Variants in SEMA5A observed in about 807,000 individuals in gnomAD.
SEMA5A encodes semaphorin 5A.
In SEMA5A, 55 loss-of-function variants were observed where a neutral mutation model predicts 135.5. The ratio of observed to expected loss-of-function variants is 0.41; its 90% CI spans 0.33 to 0.51. The LOEUF is 0.51. SEMA5A is among the 20% of genes least tolerant of loss of function. The probability of loss-of-function intolerance (pLI) is 0.37; values close to 1 mark genes in which losing one functional copy is unlikely to be tolerated. For synonymous variants in SEMA5A, 580 were observed against 546.5 expected, an observed-to-expected ratio of 1.06 and a Z score of -0.85; for missense variants, 1,290 against 1,419.9, an observed-to-expected ratio of 0.91 and a Z score of 1.47.
At chr5:9,541,534 C>A (rs557312208) in intron 1 of SEMA5A, among the ~76,000 whole-genome samples, 2 of 152,124 alleles carry the variant, frequency 1.3e-5, no homozygotes, top group African/African-American at 4.8e-5. Flanking sequence ...AATCAGGAAA[C>A]CAATTCTAGG....
At chr5:9,501,477 G>T (rs1042881365) in intron 1 of SEMA5A, among the ~76,000 whole-genome samples, 2 of 152,142 alleles carry the variant, frequency 1.3e-5, no homozygotes, top group African/African-American at 4.8e-5. Flanking sequence ...TTCCTATGTA[G>T]AGAATACAGA....
At chr5:9,450,425 T>C (rs1157252519) in intron 1 of SEMA5A, among the ~76,000 whole-genome samples, 1 of 152,242 alleles carries the variant, frequency 6.6e-6, no homozygotes, top group African/African-American at 2.4e-5. Context: ...ATATTCAGTT[T>C]AATAGGAGTG....
intron 2 of SEMA5A, among the ~76,000 whole-genome samples, chr5:9,410,249 A>C (rs1372413145): frequency 1.3e-5 from 2 of 152,222 alleles, no homozygotes; most frequent in African/African-American, 2.4e-5. Flanking sequence ...TAAATATAAC[A>C]ATGCACTCCA....
chr5:9,481,473 A>AT (rs1197910780), intron 1 of SEMA5A, among the ~76,000 whole-genome samples: 4 of 152,250 alleles, frequency 2.6e-5, no homozygotes, highest in East Asian at 3.9e-4. Flanking sequence ...AATGGGGATT[A>AT]TTTTTTTAAA....
intron 8 of SEMA5A, among the ~76,000 whole-genome samples, chr5:9,219,955 A>C (rs925310352): frequency 2.6e-5 from 4 of 152,168 alleles, no homozygotes; most frequent in Non-Finnish European, 4.4e-5. Flanking sequence ...GGTGTGAGTC[A>C]GGGGAGTTAA....
At chr5:9,409,072 T>C (rs1423225588) in intron 2 of SEMA5A, among the ~76,000 whole-genome samples, 2 of 152,178 alleles carry the variant, frequency 1.3e-5, no homozygotes, top group African/African-American at 4.8e-5. Context: ...TAACACTGAA[T>C]TAGTTGGCAG....
chr5:9,250,515 G>A (rs559562364), intron 5 of SEMA5A, among the ~76,000 whole-genome samples: 14 of 152,234 alleles, frequency 9.2e-5, no homozygotes, highest in South Asian at 4.1e-4. Context: ...AAAAAAGACC[G>A]AATTCATACA....
intron 2 of SEMA5A, among the ~76,000 whole-genome samples, chr5:9,421,698 TTC>T (rs1757475478): frequency 6.6e-6 from 1 of 152,194 alleles, no homozygotes; most frequent in South Asian, 2.1e-4. Context: ...GTTATCTTTT[TTC>T]TCTCTCTCTT....
chr5:9,071,592 C>T (rs1737772817), intron 16 of SEMA5A, among the ~76,000 whole-genome samples: 1 of 152,080 alleles, frequency 6.6e-6, no homozygotes, highest in Admixed American at 6.5e-5. Flanking sequence ...TTAAGTGGGA[C>T]CTCCTGTTTT....
At chr5:9,268,111 T>G (rs1749777392) in intron 5 of SEMA5A, among the ~76,000 whole-genome samples, 1 of 152,140 alleles carries the variant, frequency 6.6e-6, no homozygotes, top group Non-Finnish European at 1.5e-5. Context: ...AGTAGTTGGT[T>G]CTTGTTGTTC....
rs537376976 is a variant in SEMA5A at position 9,515,969 on chromosome 5, C to T, written c.-175+29615G>A. On this transcript the variant is annotated intron_variant, in intron 1 of 22. Coordinates refer to ENST00000382496, the MANE Select transcript of SEMA5A (RefSeq NM_003966.3). ...CACTTTTCTCTTATTAAATCATTTT[C>T]TCATATCTGAATATAGTTACGACAT... is the stretch of plus-strand genomic sequence containing the variant. 3.3e-5 allele frequency among the ~76,000 whole-genome samples: 5 copies of T among 152,348 alleles called. No individual in the cohort carries two copies. In the South Asian group the frequency reaches 1.0e-3, roughly 32 times the overall value.
intron 2 of SEMA5A, among the ~76,000 whole-genome samples, chr5:9,417,667 T>G (rs1430475507): frequency 1.3e-5 from 2 of 152,240 alleles, no homozygotes; most frequent in African/African-American, 4.8e-5. Context: ...GTGCCTTGTC[T>G]TTATCACCAC....
intron 16 of SEMA5A, among the ~76,000 whole-genome samples, chr5:9,078,780 C>G (rs1738210235): frequency 1.3e-5 from 2 of 152,046 alleles, no homozygotes; most frequent in Admixed American, 1.3e-4. Flanking sequence ...TAATAGAGTA[C>G]TTATGGCAGA....
chr5:9,273,703 G>A (rs996695911), intron 5 of SEMA5A, among the ~76,000 whole-genome samples: 4 of 152,068 alleles, frequency 2.6e-5, no homozygotes, highest in Admixed American at 2.6e-4. Context: ...ATAAAGAAAA[G>A]AATTTTCAAC....
intron 11 of SEMA5A, among the ~76,000 whole-genome samples, chr5:9,165,896 G>A (rs11960524): frequency 0.12 from 17,837 of 151,932 alleles, 1,781 homozygotes; most frequent in African/African-American, 0.25. Flanking sequence ...ACTTGTAAAC[G>A]AGCAAATGAA....
At position 9,066,070 on chromosome 5, in the gene SEMA5A, T is replaced by G. The variant is rs566165515; in HGVS notation, c.2299+351A>C. Among the ~76,000 whole-genome samples the G allele has an allele frequency of 1.6e-3, 250 of 152,356 alleles. 1 individual carries two copies. Among genetic ancestry groups the G allele is most frequent in the African/African-American group, 5.6e-3 (232 of 41,596 alleles). On this transcript the variant is annotated intron_variant, in intron 17 of 22. Transcript: ENST00000382496. Reference sequence around the variant, plus strand: ...GGGATAAATAAAGAAAAACCTTTTTTCAGCTTACATTTTAGTGCCAGAAGA... The same window carrying G: ...GGGATAAATAAAGAAAAACCTTTTTGCAGCTTACATTTTAGTGCCAGAAGA...
Position 9,202,154 on chromosome 5 carries a change from T to C in SEMA5A, c.733A>G (p.Thr245Ala). 1 of 1,614,158 alleles carries C rather than the reference T, an allele frequency of 6.2e-7. No individual in the cohort carries two copies. Among genetic ancestry groups the C allele is most frequent in the Non-Finnish European group, 8.5e-7 (1 of 1,180,018 alleles). ...ACCCGGGCAGCTCTGGAGAACACTG[T>C]TTTCCCACAGTCATGCTCTACTGCA... ...ENAVEHDCGK[T>A]VFSRAARVCK... Residue 245 changes from threonine to alanine, a missense_variant, in exon 9 of 23, where the codon ACA becomes GCA. Coordinates refer to ENST00000382496, the MANE Select transcript of SEMA5A (RefSeq NM_003966.3).
At chr5:9,190,522 C>G (rs1806131) in intron 10 of SEMA5A, 51 bp from the exon 11 acceptor site, 40 of 1,585,436 alleles carry the variant, frequency 2.5e-5, no homozygotes, top group Admixed American at 3.4e-5. Context: ...TGGACACCCA[C>G]AGCTGGCTGT....
At chr5:9,353,969 G>T (rs1174608605) in intron 3 of SEMA5A, among the ~76,000 whole-genome samples, 4 of 139,064 alleles carry the variant, frequency 2.9e-5, no homozygotes, top group Non-Finnish European at 6.2e-5. Flanking sequence ...GAAAAAGCAC[G>T]TGTTAAAAAA....
Sources: allele counts gnomAD v4.1 joint callset (sites outside exome capture counted in the v4.1 genomes callset), GRCh38; gene constraint gnomAD v4.1.1; transcripts MANE v1.5; gene names NCBI Gene and HGNC (gene_info 2026-07-23, HGNC 2026-07-21).